Variants in GOLM2 observed in about 807,000 individuals in gnomAD.
GOLM2 encodes the protein golgi membrane protein 2, also known as protein GOLM2.
In GOLM2, 26 loss-of-function variants were observed where a neutral mutation model predicts 55.9. The ratio of observed to expected loss-of-function variants is 0.47; its 90% CI spans 0.34 to 0.65. The LOEUF (loss-of-function observed/expected upper bound fraction) is 0.65, where lower values mean the gene tolerates loss of function less well. Ranked by LOEUF, GOLM2 falls within the 30% of genes least tolerant of loss-of-function variation. The pLI is 0.01. For synonymous variants in GOLM2, 165 were observed against 194.6 expected, an observed-to-expected ratio of 0.85 and a Z score of 1.27; for missense variants, 486 against 531.8, an observed-to-expected ratio of 0.91 and a Z score of 0.85.
Position 44,288,979 on chromosome 15 carries a change from G to C in GOLM2, c.-51G>C. The C allele has an allele frequency of 6.6e-7, 1 of 1,516,648 alleles. No individual in the cohort carries two copies. The highest frequency in any genetic ancestry group is 9.0e-7 in the Non-Finnish European group (1 of 1,114,934). The allele number at this position is 1,516,648 out of a possible 1,614,324, so 93.9% of individuals were successfully genotyped here. A position where few individuals can be genotyped will look rare whatever the true frequency, so the allele number is the denominator to read the frequency against. On this transcript the variant is annotated 5_prime_UTR_variant, in exon 1 of 10. Coordinates refer to ENST00000299957, the MANE Select transcript of GOLM2 (RefSeq NM_138423.4). ...AACTCCAGCCGAGGCCTGGGCTTCT[G>C]CCTGCAGGTGTCTGCGGCGAGGCCC...
intron 6 of GOLM2, among the ~76,000 whole-genome samples, chr15:44,367,673 C>T (rs1394660295): frequency 2.6e-5 from 4 of 151,892 alleles, no homozygotes; most frequent in Non-Finnish European, 5.9e-5. Flanking sequence ...CGTGGGCCTG[C>T]AGTCCCAGCT....
chr15:44,332,490 G>A (rs1047798588), intron 4 of GOLM2, among the ~76,000 whole-genome samples: 6 of 151,448 alleles, frequency 4.0e-5, no homozygotes, highest in Admixed American at 3.3e-4. Flanking sequence ...CTGGGAGACG[G>A]AGGAGGTTAC....
chr15:44,300,827 T>A (rs2078792639), intron 1 of GOLM2, among the ~76,000 whole-genome samples: 1 of 152,200 alleles, frequency 6.6e-6, no homozygotes, highest in South Asian at 2.1e-4. Flanking sequence ...GTAATTTCAG[T>A]TTCTCACAGT....
intron 6 of GOLM2, among the ~76,000 whole-genome samples, chr15:44,369,723 C>CACACACACACACAT (rs1555425016): frequency 1.4e-5 from 2 of 140,650 alleles, no homozygotes; most frequent in African/African-American, 5.2e-5. Flanking sequence ...CACACACACA[C>CACACACACACACAT]ATATATATAT....
intron 6 of GOLM2, among the ~76,000 whole-genome samples, chr15:44,361,207 G>A (rs1047559368): frequency 6.0e-5 from 9 of 151,074 alleles, no homozygotes; most frequent in African/African-American, 2.2e-4. Context: ...TAAAATCAGA[G>A]CAGAACTGAA....
chr15:44,343,792 C>G (rs1056706557), intron 6 of GOLM2, among the ~76,000 whole-genome samples: 1 of 149,926 alleles, frequency 6.7e-6, no homozygotes, highest in African/African-American at 2.5e-5. Context: ...CCACTACACT[C>G]CAGCCTGAAC....
At chr15:44,372,948 C>T (rs554206850) in intron 6 of GOLM2, among the ~76,000 whole-genome samples, 1 of 152,292 alleles carries the variant, frequency 6.6e-6, no homozygotes, top group African/African-American at 2.4e-5. Context: ...AATGATTCCT[C>T]CTCAAAAATG....
intron 1 of GOLM2, among the ~76,000 whole-genome samples, chr15:44,319,573 GTTTGGTTGGTTTTGTTTTCATT>G (rs1005785109): frequency 1.3e-5 from 2 of 151,902 alleles, no homozygotes; most frequent in African/African-American, 4.8e-5. Context: ...GTTTTTGTTT[GTTTGGTTGGTTTTGTTTTCATT>G]TTTGTTTTTG....
At chr15:44,394,629 T>C (rs1033807547) in intron 8 of GOLM2, among the ~76,000 whole-genome samples, 1 of 152,216 alleles carries the variant, frequency 6.6e-6, no homozygotes, top group Non-Finnish European at 1.5e-5. Context: ...CAAAAGCCAG[T>C]CAATAGTTTT....
chr15:44,364,041 T>G, intron 6 of GOLM2, among the ~76,000 whole-genome samples: 2 of 147,034 alleles, frequency 1.4e-5, no homozygotes, highest in African/African-American at 5.1e-5. Context: ...TGGGGACTGT[T>G]GTGGGGTGGG....
chr15:44,388,168 C>T (rs1392405642), intron 8 of GOLM2, among the ~76,000 whole-genome samples: 1 of 147,854 alleles, frequency 6.8e-6, no homozygotes, highest in South Asian at 2.2e-4. Context: ...TCCAGCTACT[C>T]GGGAGGCTGA....
intron 2 of GOLM2, among the ~76,000 whole-genome samples, chr15:44,327,352 C>T (rs1287790286): frequency 6.6e-6 from 1 of 151,646 alleles, no homozygotes; most frequent in Middle Eastern, 3.2e-3. Flanking sequence ...CTCAGGAGTT[C>T]GAGACCAGCC....
chr15:44,298,376 G>T (rs1374953437), intron 1 of GOLM2, among the ~76,000 whole-genome samples: 1 of 149,224 alleles, frequency 6.7e-6, no homozygotes, highest in Non-Finnish European at 1.5e-5. Context: ...TGATTCTCTA[G>T]CCTCAGCCTC....
At chr15:44,374,517 A>T (rs1301297723) in intron 6 of GOLM2, among the ~76,000 whole-genome samples, 1 of 151,912 alleles carries the variant, frequency 6.6e-6, no homozygotes, top group African/African-American at 2.4e-5. Flanking sequence ...GAAAAAAAAA[A>T]TTACCAGAGA....
chr15:44,310,474 A>C (rs537167362), intron 1 of GOLM2, among the ~76,000 whole-genome samples: 7 of 132,296 alleles, frequency 5.3e-5, no homozygotes, highest in South Asian at 2.3e-4. Context: ...ATATATGTAT[A>C]TATATATATA....
chr15:44,364,837 A>T (rs931123534), intron 6 of GOLM2, among the ~76,000 whole-genome samples: 1 of 152,210 alleles, frequency 6.6e-6, no homozygotes, highest in African/African-American at 2.4e-5. Flanking sequence ...AATCTACTAC[A>T]GTAGATTTTG....
rs538636591 is a variant in GOLM2, at chr15:44,314,231, C to T, written c.328-8734C>T. ...CAGCCTGGGCAACAGAGCAAAACTC[C>T]GTCTCAAAAAAAAAAAAAGAAAAGA... On this transcript the variant is annotated intron_variant, in intron 1 of 9. Coordinates refer to ENST00000299957, the MANE Select transcript of GOLM2 (RefSeq NM_138423.4). Among the ~76,000 whole-genome samples, 193 of 148,646 alleles carry T rather than the reference C, an allele frequency of 1.3e-3. 1 individual carries two copies. The highest frequency in any genetic ancestry group is 4.5e-3 in the African/African-American group (179 of 40,118).
intron 1 of GOLM2, among the ~76,000 whole-genome samples, chr15:44,299,552 C>A (rs574783858): frequency 6.6e-6 from 1 of 152,132 alleles, no homozygotes; most frequent in Admixed American, 6.5e-5. Flanking sequence ...CTCGGCCTCC[C>A]AAATTGACTA....
intron 8 of GOLM2, among the ~76,000 whole-genome samples, chr15:44,385,243 G>C (rs568079306): frequency 2.6e-5 from 4 of 151,996 alleles, no homozygotes; most frequent in African/African-American, 9.7e-5. Flanking sequence ...GCTTTTTGAG[G>C]AACTGCCAAA....
Sources: allele counts gnomAD v4.1 joint callset (sites outside exome capture counted in the v4.1 genomes callset), GRCh38; gene constraint gnomAD v4.1.1; transcripts MANE v1.5; gene names NCBI Gene and HGNC (gene_info 2026-07-23, HGNC 2026-07-21).